KDR: variants seen among roughly 807,000 people sequenced by gnomAD.
KDR encodes kinase insert domain receptor.
KDR carries 43 observed loss-of-function variants against 160.9 expected under a neutral mutation model. The ratio of observed to expected loss-of-function variants is 0.27; its 90% CI spans 0.21 to 0.34. The LOEUF (loss-of-function observed/expected upper bound fraction) is 0.34, where lower values mean the gene tolerates loss of function less well. Ranked by LOEUF, KDR falls within the 10% of genes least tolerant of loss-of-function variation. The pLI, the probability that KDR is intolerant of heterozygous loss-of-function variation, is 1.00. For missense variants in KDR, 1,469 were observed against 1,666.4 expected (o/e 0.88, Z 2.06); for synonymous variants, 617 against 600.1 (o/e 1.03, Z -0.41).
chr4:55,124,251 T>C (rs1720971881), intron 1 of KDR, among the ~76,000 whole-genome samples: 1 of 152,178 alleles, frequency 6.6e-6, no homozygotes, highest in South Asian at 2.1e-4. Context: ...CCTTTCCCCT[T>C]TCTCACCCTG....
chr4:55,097,838 A>G (rs1720201471), intron 17 of KDR, 72 bp from the exon 18 acceptor site: 1 of 1,051,484 alleles, frequency 9.5e-7, no homozygotes, highest in Non-Finnish European at 1.5e-6. Context: ...ACGCAGAGAC[A>G]TCAACTAGAT....
intron 21 of KDR, among the ~76,000 whole-genome samples, chr4:55,094,344 A>G (rs1243857377): frequency 1.3e-5 from 2 of 152,226 alleles, no homozygotes; most frequent in Admixed American, 6.5e-5. Flanking sequence ...CGCTTGGGGT[A>G]GGGTAGAAAC....
chr4:55,118,983 T>C (rs1398083188), intron 2 of KDR, among the ~76,000 whole-genome samples, 183 bp from the exon 3 acceptor site: 1 of 152,044 alleles, frequency 6.6e-6, no homozygotes, highest in Admixed American at 6.6e-5. Flanking sequence ...CCAAGGCGGA[T>C]GGATCACCTG....
rs2110010037 is a variant in KDR, at chr4:55,088,852, G to A, written c.3510+16C>T. On this transcript the variant is annotated intron_variant, in intron 26 of 29. Transcript: ENST00000263923. ...AAGTACTCTTTGTAGGTGCTTCTTGGATGGAGGTGACAAACCTGCTGAGCA... is the reference window on the plus strand; with the variant it reads ...AAGTACTCTTTGTAGGTGCTTCTTGAATGGAGGTGACAAACCTGCTGAGCA... 6.3e-7 allele frequency: 1 copy of A among 1,577,258 alleles called. No homozygotes were observed. The highest frequency in any genetic ancestry group is 1.3e-5 in the African/African-American group (1 of 74,296).
In KDR at chr4:55,110,485, T is replaced by G. The variant is rs2110027394; in HGVS notation, c.1173A>C (p.Arg391Ser). The G allele has an allele frequency of 6.2e-7, 1 of 1,613,872 alleles. No individual in the cohort carries two copies. Among genetic ancestry groups the G allele is most frequent in the Non-Finnish European group, 8.5e-7 (1 of 1,179,776 alleles). Residue 391 changes from arginine to serine, a missense_variant, in exon 9 of 30, where the codon AGA (arginine) becomes AGC (serine). Arg to Ser is a moderately radical substitution (Grantham distance 110, BLOSUM62 -1). Transcript: ENST00000263923. ...HVLTIMEVSE[R>S]DTGNYTVILT... ...GGATGACAGTGTAATTTCCTGTGTCTCTTTCACTCACTTCCATAATCGTCA... is the reference window on the plus strand; with the variant it reads ...GGATGACAGTGTAATTTCCTGTGTCGCTTTCACTCACTTCCATAATCGTCA...
intron 3 of KDR, among the ~76,000 whole-genome samples, chr4:55,116,411 C>A (rs1720737114): frequency 7.3e-6 from 1 of 137,410 alleles, no homozygotes; most frequent in Non-Finnish European, 1.6e-5. Context: ...GAGCAAAACT[C>A]CGTCTCAAAA....
chr4:55,100,731 T>C (rs12505758), intron 15 of KDR, among the ~76,000 whole-genome samples: 16,165 of 152,170 alleles, frequency 0.11, 1,213 homozygotes, highest in South Asian at 0.34. Flanking sequence ...GATGCAATAC[T>C]TGGCATCATA....
At chr4:55,084,670 C>A (rs532873323) in intron 27 of KDR, among the ~76,000 whole-genome samples, 1 of 152,260 alleles carries the variant, frequency 6.6e-6, no homozygotes, top group African/African-American at 2.4e-5. Flanking sequence ...CTTAGGCCTT[C>A]AGACACTAAA....
rs780574550 is a variant in KDR at position 55,089,794 on chromosome 4, G to A, written c.3201C>T (p.Leu1067=). Residue 1067 remains leucine, a synonymous_variant, in exon 24 of 30, where the codon CTC becomes CTT. Coordinates refer to ENST00000263923, the MANE Select transcript of KDR (RefSeq NM_002253.4). ...TTTCTGGGGCCATCCATTTCAAAGG[G>A]AGGCGAGCCTACAGGGGTAGAAGAC... The part of the protein sequence containing the change: ...PDYVRKGDAR[L]PLKWMAPETI... The A allele has an allele frequency of 1.2e-6, 2 of 1,613,818 alleles. No individual in the cohort carries two copies. The highest frequency in any genetic ancestry group is 2.7e-5 in the African/African-American group (2 of 74,906).
At position 55,082,477 on chromosome 4, in the gene KDR, C is replaced by G. The variant is rs1719760348; in HGVS notation, c.3762+59G>C. 1.4e-5 allele frequency: 18 copies of G among 1,270,064 alleles called. No homozygotes were observed. In the South Asian group the frequency reaches 2.1e-4, roughly 15 times the overall value. 78.7% of individuals were successfully genotyped at this position (1,270,064 alleles called of 1,614,324 possible). Reference sequence around the variant, plus strand: ...CTTTAATGCTTAGGCTAATATTTATCTAGCTAGTGTTTCATCCTTTGTATT... The same window carrying G: ...CTTTAATGCTTAGGCTAATATTTATGTAGCTAGTGTTTCATCCTTTGTATT... On this transcript the variant is annotated intron_variant, in intron 28 of 29. Transcript: ENST00000263923.
Position 55,079,777 on chromosome 4 carries a change from G to A in KDR, c.*164C>T, listed in dbSNP as rs1719682378. ...ATTCTTGGGTCACAAGCCTCTTCCA[G>A]GATATGCCTAGAAGACTGGCTCCCT... On this transcript the variant is annotated 3_prime_UTR_variant, in exon 30 of 30. Transcript: ENST00000263923. The A allele has an allele frequency of 1.5e-6, 1 of 678,200 alleles. No individual in the cohort carries two copies. Among genetic ancestry groups the A allele is most frequent in the Admixed American group, 2.1e-5 (1 of 46,574 alleles). 42.0% of individuals were successfully genotyped at this position (678,200 alleles called of 1,614,324 possible).
At chr4:55,092,156 G>C (rs1183429815) in intron 22 of KDR, among the ~76,000 whole-genome samples, 1 of 152,148 alleles carries the variant, frequency 6.6e-6, no homozygotes, top group South Asian at 2.1e-4. Context: ...GTTTAAAGTA[G>C]ATGTACACAC....
intron 16 of KDR, 52 bp downstream of exon 16, chr4:55,098,645 C>T (rs1720222673): frequency 7.3e-7 from 1 of 1,368,150 alleles, no homozygotes; most frequent in Non-Finnish European, 1.0e-6. Context: ...AGTCAGTTTT[C>T]ATTAATCATG....
intron 13 of KDR, among the ~76,000 whole-genome samples, chr4:55,103,613 C>T (rs1720368323): frequency 6.6e-6 from 1 of 152,110 alleles, no homozygotes; most frequent in Non-Finnish European, 1.5e-5. Context: ...GATGACTTGA[C>T]CCCAAAGTAT....
Position 55,121,140 on chromosome 4 carries a change from T to G in KDR, c.118A>C (p.Ile40Leu), listed in dbSNP as rs777565305. Residue 40 changes from isoleucine (I) to leucine (L), a missense_variant, in exon 2 of 30, where the codon ATA becomes CTA. Transcript: ENST00000263923. ...DLPRLSIQKD[I>L]LTIKANTTLQ... ...GTTGTATTAGCCTTAATTGTAAGTA[T>G]GTCTTTTTGTATGCTGAGCCTGGGC... is the stretch of plus-strand genomic sequence containing the variant. 1.2e-6 allele frequency: 2 copies of G among 1,613,804 alleles called. No individual in the cohort carries two copies. The highest frequency in any genetic ancestry group is 2.2e-5 in the South Asian group (2 of 91,060).
rs563225914 is a variant in KDR at position 55,091,503 on chromosome 4, A to G, written c.3069+1114T>C. Among the ~76,000 whole-genome samples, 8 of 152,308 alleles carry G rather than the reference A, an allele frequency of 5.3e-5. No individual in the cohort carries two copies. In the South Asian group the frequency reaches 6.2e-4, roughly 12 times the overall value. On this transcript the variant is annotated intron_variant, in intron 22 of 29. Transcript: ENST00000263923. The stretch of plus-strand genomic sequence containing the variant: ...TTCCGGCCATAAAAAAATGGTAATA[A>G]TAAGTCATAATCTCCAAGAAGTGTA...
chr4:55,121,260 A>G (rs1720866799), intron 1 of KDR, 70 bp from the exon 2 acceptor site: 3 of 1,014,322 alleles, frequency 3.0e-6, no homozygotes, highest in Middle Eastern at 2.1e-4. Context: ...CCTTCCATAA[A>G]CAATGCATAC....
intron 22 of KDR, 50 bp downstream of exon 22, chr4:55,092,567 C>A (rs1265775437): frequency 7.5e-7 from 1 of 1,337,006 alleles, no homozygotes; most frequent in South Asian, 1.2e-5. Flanking sequence ...CATCTTATTT[C>A]CAAACCTGTG....
rs1207948556 is a variant in KDR, at chr4:55,096,974, C to A, written c.2615-632G>T. Among the ~76,000 whole-genome samples, 26 of 152,244 alleles carry A rather than the reference C, an allele frequency of 1.7e-4. No homozygotes were observed. In the East Asian group the frequency reaches 5.0e-3, roughly 29 times the overall value. ...TCCCTTGGCCACAAGAGAAAAAAGG[C>A]AGATGGAGAAAGATAGCTTTGAAAT... On this transcript the variant is annotated intron_variant, in intron 18 of 29. Transcript: ENST00000263923.
Sources: gnomAD v4.1 joint callset for allele counts (sites outside exome capture counted in the v4.1 genomes callset) on GRCh38, gnomAD v4.1.1 for gene constraint, MANE v1.5 for transcripts, NCBI Gene and HGNC (gene_info 2026-07-23, HGNC 2026-07-21) for gene names.